GOLM2: variants seen among roughly 807,000 people sequenced by gnomAD.
The protein encoded by GOLM2 is protein GOLM2.
A neutral mutation model predicts 55.9 loss-of-function variants in GOLM2; 26 were observed. That is an observed-to-expected ratio of 0.47 (90% CI 0.34 to 0.65). The LOEUF is 0.65. GOLM2 is among the 30% of genes least tolerant of loss of function. The probability of loss-of-function intolerance (pLI) is 0.01; values close to 1 mark genes in which losing one functional copy is unlikely to be tolerated. For missense variants in GOLM2, 486 were observed against 531.8 expected (o/e 0.91, Z 0.85); for synonymous variants, 165 against 194.6 (o/e 0.85, Z 1.27).
chr15:44,407,148 AT>A (rs2079602465), intron 9 of GOLM2, among the ~76,000 whole-genome samples: 1 of 146,610 alleles, frequency 6.8e-6, no homozygotes, highest in Admixed American at 6.9e-5. Flanking sequence ...ATGGTTATAT[AT>A]TTATAATATA....
At chr15:44,361,644 T>G (rs1323642304) in intron 6 of GOLM2, among the ~76,000 whole-genome samples, 1 of 151,900 alleles carries the variant, frequency 6.6e-6, no homozygotes, top group Non-Finnish European at 1.5e-5. Flanking sequence ...CCATTCCTTC[T>G]GAAACTATTC....
chr15:44,295,121 C>A (rs943117376), intron 1 of GOLM2, among the ~76,000 whole-genome samples: 1 of 151,630 alleles, frequency 6.6e-6, no homozygotes, highest in Non-Finnish European at 1.5e-5. Flanking sequence ...ACTCTGTCAC[C>A]CAGGCTGGAG....
intron 6 of GOLM2, among the ~76,000 whole-genome samples, chr15:44,363,538 G>A (rs1190718487): frequency 6.6e-6 from 1 of 152,188 alleles, no homozygotes; most frequent in Non-Finnish European, 1.5e-5. Flanking sequence ...AAGAAGTCAG[G>A]AAACAACAGG....
Position 44,289,862 on chromosome 15 carries a change from ATAAC to A in GOLM2, c.327+510_327+513del, listed in dbSNP as rs761253939. Among the ~76,000 whole-genome samples the A allele has an allele frequency of 1.3e-5, 2 of 152,216 alleles. No homozygotes were observed. Among genetic ancestry groups the A allele is most frequent in the South Asian group, 4.1e-4 (2 of 4,834 alleles). ...AAATCTCTATAGGGTGATGTATTGA[ATAAC>A]TAAATAATCAGCTATGACTGCCTTT... is the stretch of plus-strand genomic sequence containing the variant. On this transcript the variant is annotated intron_variant, in intron 1 of 9. Transcript: ENST00000299957. The surrounding 1 kb of genome is among the most constrained non-coding windows in gnomAD (Gnocchi z 4.8).
intron 1 of GOLM2, among the ~76,000 whole-genome samples, chr15:44,298,063 GT>G (rs1308640662): frequency 6.7e-6 from 1 of 149,996 alleles, no homozygotes; most frequent in Admixed American, 6.7e-5. Context: ...TAGAGATGGG[GT>G]TTCACCATGT....
At chr15:44,322,206 A>G (rs1157094814) in intron 1 of GOLM2, among the ~76,000 whole-genome samples, 1 of 152,182 alleles carries the variant, frequency 6.6e-6, no homozygotes, top group East Asian at 1.9e-4. Flanking sequence ...CATCTCTACT[A>G]AAAATACAAA....
At chr15:44,347,159 A>ACCC (rs2079131046) in intron 6 of GOLM2, among the ~76,000 whole-genome samples, 1 of 152,108 alleles carries the variant, frequency 6.6e-6, no homozygotes, top group African/African-American at 2.4e-5. Flanking sequence ...GAGAGGAGGC[A>ACCC]GAGTGAGATA....
chr15:44,331,852 T>C, intron 3 of GOLM2, 136 bp from the exon 4 acceptor site: 2 of 606,886 alleles, frequency 3.3e-6, no homozygotes, highest in Non-Finnish European at 2.9e-6. Context: ...GAGCTATTTG[T>C]ATGCTCTGTT....
At chr15:44,342,943 T>C (rs2079099070) in intron 6 of GOLM2, among the ~76,000 whole-genome samples, 2 of 152,218 alleles carry the variant, frequency 1.3e-5, no homozygotes, top group Non-Finnish European at 2.9e-5. Context: ...ATATGTAAAA[T>C]AGAATAATAA....
rs1469875192 is a variant in GOLM2, at chr15:44,414,327, G to A, written c.*921G>A. The A allele has an allele frequency of 6.6e-6, 1 of 152,194 alleles. No individual in the cohort carries two copies. The highest frequency in any genetic ancestry group is 1.5e-5 in the Non-Finnish European group (1 of 68,044). 9.4% of individuals were successfully genotyped at this position (152,194 alleles called of 1,614,324 possible). ...AGTGCTGATGTGTTTTGGCAGATGAGCTTTCAGCTGAGGCCTGATGGAAAT... is the reference window on the plus strand; with the variant it reads ...AGTGCTGATGTGTTTTGGCAGATGAACTTTCAGCTGAGGCCTGATGGAAAT... On this transcript the variant is annotated 3_prime_UTR_variant, in exon 10 of 10. Coordinates refer to ENST00000299957, the MANE Select transcript of GOLM2 (RefSeq NM_138423.4).
chr15:44,344,345 C>T (rs2079109593), intron 6 of GOLM2, among the ~76,000 whole-genome samples: 1 of 149,584 alleles, frequency 6.7e-6, no homozygotes. Flanking sequence ...AGAGCATGTG[C>T]CTAGGGTTAG....
chr15:44,369,437 T>C (rs2079314391), intron 6 of GOLM2, among the ~76,000 whole-genome samples: 1 of 151,754 alleles, frequency 6.6e-6, no homozygotes, highest in South Asian at 2.1e-4. Context: ...TCTATAACTT[T>C]TGTTTATTTA....
intron 8 of GOLM2, among the ~76,000 whole-genome samples, chr15:44,398,499 C>T (rs923185923): frequency 6.6e-6 from 1 of 151,958 alleles, no homozygotes; most frequent in African/African-American, 2.4e-5. Flanking sequence ...AGTGCAATAC[C>T]TATCACATAC....
chr15:44,394,705 C>T (rs764244994), intron 8 of GOLM2, among the ~76,000 whole-genome samples: 2 of 152,188 alleles, frequency 1.3e-5, no homozygotes, highest in African/African-American at 4.8e-5. Context: ...ACCCCAACCT[C>T]CCACCTCTCA....
At chr15:44,321,361 A>G (rs1009704003) in intron 1 of GOLM2, among the ~76,000 whole-genome samples, 1 of 151,052 alleles carries the variant, frequency 6.6e-6, no homozygotes, top group Non-Finnish European at 1.5e-5. Flanking sequence ...AGTCCCAGCT[A>G]TCAGGAGGCT....
chr15:44,361,911 T>G (rs2079243045), intron 6 of GOLM2, among the ~76,000 whole-genome samples: 1 of 152,052 alleles, frequency 6.6e-6, no homozygotes, highest in Non-Finnish European at 1.5e-5. Context: ...ATAAATGTAA[T>G]CCAGCATATA....
chr15:44,332,383 C>A (rs1313543043), intron 4 of GOLM2, among the ~76,000 whole-genome samples: 2 of 151,964 alleles, frequency 1.3e-5, no homozygotes, highest in African/African-American at 4.8e-5. Context: ...ATGGGGAAAC[C>A]CCATCTCTAC....
At chr15:44,305,007 A>G (rs1300384293) in intron 1 of GOLM2, among the ~76,000 whole-genome samples, 1 of 151,964 alleles carries the variant, frequency 6.6e-6, no homozygotes, top group Non-Finnish European at 1.5e-5. Context: ...TGAATCACAA[A>G]TGTTCTTTTT....
intron 2 of GOLM2, among the ~76,000 whole-genome samples, chr15:44,325,087 CAT>C (rs2078972845): frequency 1.3e-5 from 2 of 152,118 alleles, no homozygotes; most frequent in African/African-American, 2.4e-5. Flanking sequence ...CATAGGTAAA[CAT>C]GTGTCATGGG....
Sources: gnomAD v4.1 joint callset for allele counts (sites outside exome capture counted in the v4.1 genomes callset) on GRCh38, gnomAD v4.1.1 for gene constraint, Gnocchi (gnomAD v3.1) non-coding constraint, MANE v1.5 for transcripts, NCBI Gene and HGNC (gene_info 2026-07-23, HGNC 2026-07-21) for gene names.